Variants in INPP4B observed in about 807,000 individuals in gnomAD.
INPP4B encodes inositol polyphosphate 4-phosphatase type II.
INPP4B carries 55 observed loss-of-function variants against 122.5 expected under a neutral mutation model. That is an observed-to-expected ratio of 0.45 (90% confidence interval 0.36 to 0.56). INPP4B has a LOEUF of 0.56. Ranked by LOEUF, INPP4B falls within the 20% of genes least tolerant of loss-of-function variation. The probability of loss-of-function intolerance (pLI) is 0.00; values close to 1 mark genes in which losing one functional copy is unlikely to be tolerated. For missense variants in INPP4B, 1,000 were observed against 1,097.7 expected, an observed-to-expected ratio of 0.91 and a Z score of 1.26; for synonymous variants, 403 against 388.7, an observed-to-expected ratio of 1.04 and a Z score of -0.43.
chr4:142,606,488 CT>C (rs1229651116), intron 2 of INPP4B, among the ~76,000 whole-genome samples: 3 of 151,858 alleles, frequency 2.0e-5, no homozygotes, highest in Non-Finnish European at 4.4e-5. Context: ...ATTACACATT[CT>C]TTGCATATAA....
intron 5 of INPP4B, among the ~76,000 whole-genome samples, chr4:142,415,202 T>C (rs904046894): frequency 2.0e-5 from 3 of 152,018 alleles, no homozygotes; most frequent in East Asian, 1.9e-4. Flanking sequence ...ACATAGGTTA[T>C]TGGGGAGGGG....
intron 11 of INPP4B, among the ~76,000 whole-genome samples, chr4:142,240,791 T>C (rs1858977783): frequency 6.6e-6 from 1 of 152,168 alleles, no homozygotes; most frequent in Non-Finnish European, 1.5e-5. Flanking sequence ...GAGTATTATT[T>C]TTTAAATAAA....
intron 7 of INPP4B, among the ~76,000 whole-genome samples, chr4:142,365,428 A>G (rs1248798774): frequency 1.3e-5 from 2 of 152,170 alleles, no homozygotes; most frequent in African/African-American, 4.8e-5. Context: ...ACTGAAATAA[A>G]AACAACTCAT....
chr4:142,195,858 G>A (rs1837968900), intron 14 of INPP4B, among the ~76,000 whole-genome samples: 1 of 152,122 alleles, frequency 6.6e-6, no homozygotes, highest in Non-Finnish European at 1.5e-5. Context: ...TGTCTTATAC[G>A]AGGACTATGC....
At position 142,211,815 on chromosome 4, in the gene INPP4B, C is replaced by T. The variant is rs78256207; in HGVS notation, c.837-2789G>A. Among the ~76,000 whole-genome samples, 841 of 152,282 alleles carry T rather than the reference C, an allele frequency of 5.5e-3. 11 individuals carry two copies. The highest frequency in any genetic ancestry group is 0.019 in the African/African-American group (770 of 41,550). The stretch of plus-strand genomic sequence containing the variant: ...GTGTAGCCACTGGAGAAACAATACT[C>T]TAATGGAGATAGAACTTTCCTGGGT... On this transcript the variant is annotated intron_variant, in intron 12 of 25. Coordinates refer to ENST00000262992, the MANE Select transcript of INPP4B (RefSeq NM_001101669.3).
chr4:142,535,398 A>G (rs536280960), intron 2 of INPP4B, among the ~76,000 whole-genome samples: 1 of 152,290 alleles, frequency 6.6e-6, no homozygotes, highest in Non-Finnish European at 1.5e-5. Context: ...GCAATTCACT[A>G]CCTATTTCTG....
chr4:142,123,335 T>C lies in INPP4B; in HGVS notation c.1974A>G (p.Thr658=), dbSNP rs1167724250. The change falls in exon 20 of 26, where the codon ACA becomes ACG. Residue 658 remains threonine (T), a synonymous_variant. Transcript: ENST00000262992. ...CTTCATATTGTACTATCAACCCCAC[T>C]GTGTGAAGCTGCTGTAGGAAGCCTG... ...YDPGFLQQLH[T]VGLIVQYEGL... The C allele has an allele frequency of 1.2e-6, 2 of 1,612,924 alleles. No individual in the cohort carries two copies. The highest frequency in any genetic ancestry group is 1.7e-6 in the Non-Finnish European group (2 of 1,179,110).
At chr4:142,635,901 A>G (rs1749047239) in intron 2 of INPP4B, among the ~76,000 whole-genome samples, 1 of 152,162 alleles carries the variant, frequency 6.6e-6, no homozygotes, top group African/African-American at 2.4e-5. Context: ...GATTTCTACA[A>G]AATCTACAAA....
intron 2 of INPP4B, among the ~76,000 whole-genome samples, chr4:142,537,400 GTATATATATATATATA>G (rs34425745): frequency 3.0e-5 from 1 of 32,984 alleles, no homozygotes; most frequent in South Asian, 1.4e-3. Flanking sequence ...TTTACATACA[GTATATATATATATATA>G]TATATATATA....
At chr4:142,432,196 A>G (rs994218660) in intron 3 of INPP4B, among the ~76,000 whole-genome samples, 13 of 152,142 alleles carry the variant, frequency 8.5e-5, no homozygotes, top group African/African-American at 2.9e-4. Flanking sequence ...TTTTAAATCA[A>G]GTTACCAGCT....
intron 2 of INPP4B, among the ~76,000 whole-genome samples, chr4:142,473,702 C>T (rs922352531): frequency 2.0e-4 from 30 of 152,202 alleles, no homozygotes; most frequent in Non-Finnish European, 1.0e-4. Flanking sequence ...CCACTTCTGC[C>T]ATAACTTGGC....
intron 1 of INPP4B, among the ~76,000 whole-genome samples, chr4:142,773,801 A>C (rs1462673278): frequency 6.6e-6 from 1 of 152,218 alleles, no homozygotes; most frequent in African/African-American, 2.4e-5. Context: ...GGTGGTGACT[A>C]AAATTTCTGC....
At chr4:142,465,007 C>A (rs570173615) in intron 2 of INPP4B, among the ~76,000 whole-genome samples, 73 of 152,174 alleles carry the variant, frequency 4.8e-4, no homozygotes, top group African/African-American at 1.5e-3. Context: ...GTTTACCTTG[C>A]AAATAAAATA....
chr4:142,331,787 G>C (rs1406942242), intron 7 of INPP4B, among the ~76,000 whole-genome samples: 1 of 152,054 alleles, frequency 6.6e-6, no homozygotes, highest in Non-Finnish European at 1.5e-5. Flanking sequence ...CTGGCAGCTA[G>C]TGCTGAATGC....
chr4:142,638,547 T>TTC (rs1749668859), intron 2 of INPP4B, among the ~76,000 whole-genome samples: 1 of 9,000 alleles, frequency 1.1e-4, no homozygotes, highest in South Asian at 4.8e-3. Flanking sequence ...GTCTATTCTC[T>TTC]TTTTTTTTTT....
intron 2 of INPP4B, among the ~76,000 whole-genome samples, chr4:142,717,428 C>T (rs1156724702): frequency 1.3e-5 from 2 of 152,112 alleles, no homozygotes; most frequent in Non-Finnish European, 2.9e-5. Context: ...CTTGCTTCAG[C>T]CAGGAAGCAA....
At chr4:142,317,299 TC>T in intron 7 of INPP4B, 1 of 378,740 alleles carries the variant, frequency 2.6e-6, no homozygotes, top group Non-Finnish European at 5.3e-6. Context: ...CTCGATCTTA[TC>T]AGGCTCAGCC....
intron 8 of INPP4B, 162 bp from the exon 9 acceptor site, chr4:142,305,699 C>T: frequency 6.9e-7 from 1 of 1,450,696 alleles, no homozygotes; most frequent in Non-Finnish European, 9.1e-7. Flanking sequence ...AATATATCTA[C>T]CTCATGGGGT....
At chr4:142,754,361 T>C (rs375850078) in intron 1 of INPP4B, among the ~76,000 whole-genome samples, 31 of 152,010 alleles carry the variant, frequency 2.0e-4, no homozygotes, top group African/African-American at 7.0e-4. Flanking sequence ...CAAAAAGAAT[T>C]GCTTGGAACC....
Sources: allele counts gnomAD v4.1 joint callset (sites outside exome capture counted in the v4.1 genomes callset), GRCh38; gene constraint gnomAD v4.1.1; transcripts MANE v1.5; gene names NCBI Gene and HGNC (gene_info 2026-07-23, HGNC 2026-07-21).